CNTN4: variants seen among roughly 807,000 people sequenced by gnomAD.
CNTN4 encodes contactin 4.
In CNTN4, 77 loss-of-function variants were observed where a neutral mutation model predicts 122.5. The ratio of observed to expected loss-of-function variants is 0.63; its 90% CI spans 0.52 to 0.76. CNTN4 has a LOEUF of 0.76. Ranked by LOEUF, CNTN4 falls within the 30% of genes least tolerant of loss-of-function variation. The pLI, the probability that CNTN4 is intolerant of heterozygous loss-of-function variation, is 0.00. For synonymous variants in CNTN4, 512 were observed against 447.0 expected (o/e 1.15, Z -1.83); for missense variants, 1,256 against 1,259.1 (o/e 1.00, Z 0.04).
chr3:2,886,431 G>A (rs1182503148), intron 9 of CNTN4, among the ~76,000 whole-genome samples: 3 of 147,104 alleles, frequency 2.0e-5, no homozygotes, highest in South Asian at 4.3e-4. Context: ...AAAAAGAAAA[G>A]CAAAAAACAT....
intron 4 of CNTN4, among the ~76,000 whole-genome samples, chr3:2,685,746 A>T (rs1005391488): frequency 6.6e-6 from 1 of 152,086 alleles, no homozygotes; most frequent in Non-Finnish European, 1.5e-5. Flanking sequence ...TCCTTGCTAG[A>T]TTAAAGCCTT....
At chr3:2,748,266 G>T (rs989402992) in intron 6 of CNTN4, among the ~76,000 whole-genome samples, 1 of 152,150 alleles carries the variant, frequency 6.6e-6, no homozygotes, top group Non-Finnish European at 1.5e-5. Context: ...TGTAAAATCT[G>T]AGAAAGTATT....
At chr3:2,757,924 C>T (rs1340407735) in intron 6 of CNTN4, among the ~76,000 whole-genome samples, 1 of 152,162 alleles carries the variant, frequency 6.6e-6, no homozygotes, top group Non-Finnish European at 1.5e-5. Flanking sequence ...TTAGGGTACA[C>T]ACTAATTATG....
At chr3:2,289,375 G>T (rs1009239179) in intron 2 of CNTN4, among the ~76,000 whole-genome samples, 1 of 152,076 alleles carries the variant, frequency 6.6e-6, no homozygotes, top group Non-Finnish European at 1.5e-5. Flanking sequence ...CAAAACTTTT[G>T]TATGTTTAGT....
intron 7 of CNTN4, among the ~76,000 whole-genome samples, chr3:2,863,535 TTTG>T (rs901535911): frequency 7.3e-5 from 4 of 54,432 alleles, no homozygotes; most frequent in Non-Finnish European, 1.3e-4. Context: ...TAATTCAATA[TTTG>T]TTGTTGTTTT....
chr3:2,754,467 G>A (rs970828918), intron 6 of CNTN4, among the ~76,000 whole-genome samples: 4 of 152,210 alleles, frequency 2.6e-5, no homozygotes, highest in South Asian at 2.1e-4. Flanking sequence ...TCTGGAGGAA[G>A]CAAATGGGTG....
Position 3,014,673 on chromosome 3 carries a change from T to G in CNTN4, c.1487-11429T>G, listed in dbSNP as rs141161636. ...TGTCTTGCTCTGTTTCTCTGCATTT[T>G]CATCTCCTTTTCCTTGTCTCTTGGC... On this transcript the variant is annotated intron_variant, in intron 14 of 24. Transcript: ENST00000418658. Among the ~76,000 whole-genome samples, 835 of 151,780 alleles carry G rather than the reference T, an allele frequency of 5.5e-3. 10 individuals carry two copies. The highest frequency in any genetic ancestry group is 0.019 in the African/African-American group (783 of 41,378).
chr3:2,255,143 A>G (rs1053627735), intron 2 of CNTN4, among the ~76,000 whole-genome samples: 1 of 152,150 alleles, frequency 6.6e-6, no homozygotes, highest in African/African-American at 2.4e-5. Flanking sequence ...TAAGTAGGGA[A>G]TCCTTTCTCC....
chr3:2,340,710 T>TATATATATATATAGAG, intron 3 of CNTN4, among the ~76,000 whole-genome samples: 26 of 18,302 alleles, frequency 1.4e-3, no homozygotes, highest in Admixed American at 2.4e-3. Flanking sequence ...TATATATATA[T>TATATATATATATAGAG]AGAGAGAGAG....
intron 12 of CNTN4, among the ~76,000 whole-genome samples, chr3:2,915,463 C>A (rs994756949): frequency 4.6e-5 from 7 of 152,202 alleles, no homozygotes; most frequent in African/African-American, 1.7e-4. Context: ...TTACTTCTTT[C>A]CTTTCCAATT....
At chr3:2,401,217 G>A (rs973206592) in intron 3 of CNTN4, among the ~76,000 whole-genome samples, 5 of 152,090 alleles carry the variant, frequency 3.3e-5, no homozygotes, top group African/African-American at 1.2e-4. Context: ...GAAATGTTTA[G>A]AGAACATTTT....
At chr3:2,142,322 G>A (rs1368088264) in intron 2 of CNTN4, among the ~76,000 whole-genome samples, 1 of 151,472 alleles carries the variant, frequency 6.6e-6, no homozygotes, top group African/African-American at 2.4e-5. Context: ...TAGAGACTTT[G>A]TCTGCTCTCC....
intron 4 of CNTN4, among the ~76,000 whole-genome samples, chr3:2,711,871 G>C (rs2087171714): frequency 6.6e-6 from 1 of 152,028 alleles, no homozygotes; most frequent in South Asian, 2.1e-4. Flanking sequence ...CATTAGTTAG[G>C]GACAGAGCCT....
intron 3 of CNTN4, among the ~76,000 whole-genome samples, chr3:2,505,370 A>T (rs1407192166): frequency 1.3e-5 from 2 of 152,142 alleles, no homozygotes; most frequent in Non-Finnish European, 2.9e-5. Flanking sequence ...CTTTTGTGTA[A>T]GTTTGAAATT....
intron 5 of CNTN4, among the ~76,000 whole-genome samples, chr3:2,742,908 C>T (rs1389762338): frequency 6.6e-6 from 1 of 152,196 alleles, no homozygotes; most frequent in Non-Finnish European, 1.5e-5. Flanking sequence ...TGCAATAAAA[C>T]TTGGTATAGC....
chr3:2,407,891 G>T (rs529050003), intron 3 of CNTN4, among the ~76,000 whole-genome samples: 21 of 152,196 alleles, frequency 1.4e-4, no homozygotes, highest in African/African-American at 4.1e-4. Flanking sequence ...CTAAATTGTT[G>T]GCAGCCATAC....
intron 7 of CNTN4, among the ~76,000 whole-genome samples, chr3:2,840,467 G>C (rs13066893): frequency 4.1e-5 from 6 of 147,732 alleles, no homozygotes; most frequent in Admixed American, 3.4e-4. Context: ...TTGGGAGGCC[G>C]AGGCGGGCGG....
chr3:2,480,737 G>C (rs113959091), intron 3 of CNTN4, among the ~76,000 whole-genome samples: 2 of 152,176 alleles, frequency 1.3e-5, no homozygotes, highest in Non-Finnish European at 1.5e-5. Flanking sequence ...AAGGTATTTT[G>C]TGGATATGTA....
At chr3:2,349,834 C>T (rs1032371034) in intron 3 of CNTN4, among the ~76,000 whole-genome samples, 15 of 152,116 alleles carry the variant, frequency 9.9e-5, no homozygotes, top group Admixed American at 9.8e-4. Flanking sequence ...TGAAACAACC[C>T]GAAACAAGCT....
Sources: allele counts gnomAD v4.1 joint callset (sites outside exome capture counted in the v4.1 genomes callset), GRCh38; gene constraint gnomAD v4.1.1; transcripts MANE v1.5; gene names NCBI Gene and HGNC (gene_info 2026-07-23, HGNC 2026-07-21).